The following TACR1 variants were observed in gnomAD, a reference collection of about 807,000 sequenced individuals.
TACR1 encodes the protein substance-P receptor.
Under a neutral mutation model 35.8 loss-of-function variants are expected in TACR1, and 25 were observed. That is an observed-to-expected ratio of 0.70 (90% CI 0.51 to 0.98). TACR1 has a LOEUF of 0.98. Ranked by LOEUF, TACR1 falls within the 50% of genes least tolerant of loss-of-function variation. TACR1 has a pLI of 0.00. For synonymous variants in TACR1, 195 were observed against 206.7 expected (o/e 0.94, Z 0.48); for missense variants, 478 against 522.9 (o/e 0.91, Z 0.84).
chr2:75,061,784 G>A (rs1672678112), intron 2 of TACR1, among the ~76,000 whole-genome samples: 1 of 152,164 alleles, frequency 6.6e-6, no homozygotes, highest in African/African-American at 2.4e-5. Flanking sequence ...GCCTTCTGGT[G>A]GAGTCAATTC....
intron 1 of TACR1, among the ~76,000 whole-genome samples, chr2:75,180,490 GGGA>G (rs1236633687): frequency 6.6e-6 from 1 of 152,202 alleles, no homozygotes; most frequent in African/African-American, 2.4e-5. Context: ...TTTGGCCAGT[GGGA>G]GGTATTAGAT....
intron 2 of TACR1, among the ~76,000 whole-genome samples, chr2:75,112,981 T>A (rs1308033342): frequency 6.6e-6 from 1 of 152,226 alleles, no homozygotes; most frequent in East Asian, 1.9e-4. Flanking sequence ...GTTGTCTTTG[T>A]TAGCTTTCTA....
chr2:75,182,556 T>C (rs1384736080), intron 1 of TACR1, among the ~76,000 whole-genome samples: 1 of 152,212 alleles, frequency 6.6e-6, no homozygotes, highest in South Asian at 2.1e-4. Context: ...TCCATGAGTT[T>C]ATAATGGAGC....
chr2:75,154,507 C>CACACACACACACAG (rs1271904480), intron 1 of TACR1: 5 of 141,660 alleles, frequency 3.5e-5, no homozygotes, highest in African/African-American at 1.3e-4. Context: ...CACACACACA[C>CACACACACACACAG]ACACACACAC....
At chr2:75,164,361 A>G (rs1675087899) in intron 1 of TACR1, among the ~76,000 whole-genome samples, 1 of 151,854 alleles carries the variant, frequency 6.6e-6, no homozygotes, top group African/African-American at 2.4e-5. Flanking sequence ...GAATGACAAT[A>G]TTTATATTGT....
At chr2:75,186,890 T>G (rs144825912) in intron 1 of TACR1, 5 of 152,166 alleles carry the variant, frequency 3.3e-5, no homozygotes, top group Admixed American at 2.6e-4. Flanking sequence ...TGGGAGGAGA[T>G]GAAGCAAGGA....
At chr2:75,049,987 A>G (rs1335518790) in intron 4 of TACR1, among the ~76,000 whole-genome samples, 1 of 152,228 alleles carries the variant, frequency 6.6e-6, no homozygotes. Context: ...GCCCTGAACT[A>G]TGCTGTCTCC....
chr2:75,057,894 A>G (rs1039396332), intron 2 of TACR1, among the ~76,000 whole-genome samples: 3 of 152,234 alleles, frequency 2.0e-5, no homozygotes, highest in Non-Finnish European at 4.4e-5. Flanking sequence ...TTTGTTATAC[A>G]TATTTTATCA....
chr2:75,097,394 A>C (rs1447609596), intron 2 of TACR1, among the ~76,000 whole-genome samples: 1 of 144,482 alleles, frequency 6.9e-6, no homozygotes, highest in African/African-American at 2.6e-5. Flanking sequence ...TTTTTTTCCT[A>C]CTGTAGGTGG....
At chr2:75,196,824 A>G (rs1376364386) in intron 1 of TACR1, among the ~76,000 whole-genome samples, 1 of 152,198 alleles carries the variant, frequency 6.6e-6, no homozygotes, top group Non-Finnish European at 1.5e-5. Flanking sequence ...CCAGTGCAGA[A>G]AAAGCAAACA....
intron 2 of TACR1, among the ~76,000 whole-genome samples, chr2:75,115,917 A>AG (rs1177592097): frequency 6.6e-6 from 1 of 151,258 alleles, no homozygotes; most frequent in African/African-American, 2.4e-5. Flanking sequence ...AAAAAAAAAA[A>AG]AAAAAAAAAA....
chr2:75,194,012 A>G (rs1005968347), intron 1 of TACR1, among the ~76,000 whole-genome samples: 6 of 152,198 alleles, frequency 3.9e-5, no homozygotes, highest in African/African-American at 1.4e-4. Context: ...TTCAGCAACA[A>G]TAATAGTAAC....
chr2:75,054,435 A>AT (rs2103785219), intron 2 of TACR1, among the ~76,000 whole-genome samples: 1 of 152,308 alleles, frequency 6.6e-6, no homozygotes, highest in South Asian at 2.1e-4. Flanking sequence ...CTTTAAGAAT[A>AT]TATCTTCAGA....
At chr2:75,072,627 A>G (rs1558543324) in intron 2 of TACR1, among the ~76,000 whole-genome samples, 1 of 152,214 alleles carries the variant, frequency 6.6e-6, no homozygotes, top group Non-Finnish European at 1.5e-5. Flanking sequence ...GGTTGATTCC[A>G]GGGCTTCCTG....
intron 1 of TACR1, chr2:75,188,782 C>G (rs1675769850): frequency 1.3e-5 from 2 of 152,222 alleles, no homozygotes; most frequent in Admixed American, 1.3e-4. Flanking sequence ...CTGATGACCT[C>G]ATGCCAAGAG....
Position 75,064,516 on chromosome 2 carries a change from T to A in TACR1, c.585-10761A>T, listed in dbSNP as rs182672367. ...CTGTGTGGGGAAAAAATATAAAGAGTACAGGTAACAAGAAAAAGGGAAAAA... is the reference window on the plus strand; with the variant it reads ...CTGTGTGGGGAAAAAATATAAAGAGAACAGGTAACAAGAAAAAGGGAAAAA... On this transcript the variant is annotated intron_variant, in intron 2 of 4. Coordinates refer to ENST00000305249, the MANE Select transcript of TACR1 (RefSeq NM_001058.4). Among the ~76,000 whole-genome samples, 3 of 151,212 alleles carry A rather than the reference T, an allele frequency of 2.0e-5. No individual in the cohort carries two copies. In the East Asian group the frequency reaches 5.9e-4, roughly 30 times the overall value.
In TACR1 at chr2:75,198,975, C is replaced by A. The variant is rs776191772; in HGVS notation, c.-41G>T. On this transcript the variant is annotated 5_prime_UTR_variant, in exon 1 of 5. Coordinates refer to ENST00000305249, the MANE Select transcript of TACR1 (RefSeq NM_001058.4). ...TAAAGCCCTACTATCTGTACACAAC[C>A]CCCCTCTGCAGCAGAGTCCTGTGGC... 3 of 1,592,676 alleles carry A rather than the reference C, an allele frequency of 1.9e-6. No homozygotes were observed. The highest frequency in any genetic ancestry group is 3.4e-5 in the Admixed American group (2 of 59,280).
At chr2:75,099,641 C>T (rs548413601) in intron 2 of TACR1, among the ~76,000 whole-genome samples, 1 of 152,174 alleles carries the variant, frequency 6.6e-6, no homozygotes, top group Non-Finnish European at 1.5e-5. Context: ...TTTGCGCGGC[C>T]AGGTTGACTG....
At position 75,120,798 on chromosome 2, in the gene TACR1, G is replaced by A. The variant is rs72918568; in HGVS notation, c.390-30C>T. 6.1e-4 allele frequency: 930 copies of A among 1,535,432 alleles called. 5 individuals are homozygous for A. The African/African-American group carries it at 0.011, about 19-fold the overall frequency. On this transcript the variant is annotated intron_variant, in intron 1 of 4. Coordinates refer to ENST00000305249, the MANE Select transcript of TACR1 (RefSeq NM_001058.4). ...AACAGAGAAGAAAGAACAAAGTTCT[G>A]ATCTGGTCACCAAAATCTGTATCAG...
Sources: gnomAD v4.1 joint callset for allele counts (sites outside exome capture counted in the v4.1 genomes callset) on GRCh38, gnomAD v4.1.1 for gene constraint, MANE v1.5 for transcripts, NCBI Gene and HGNC (gene_info 2026-07-23, HGNC 2026-07-21) for gene names.